CDK14: variants seen among roughly 807,000 people sequenced by gnomAD.
CDK14 encodes cyclin-dependent kinase 14.
In CDK14, 34 loss-of-function variants were observed where a neutral mutation model predicts 60.7. The observed-to-expected ratio is 0.56, with a 90% CI of 0.43 to 0.75. CDK14 has a LOEUF of 0.75. CDK14 is among the 30% of genes least tolerant of loss of function. CDK14 has a pLI of 0.00. For missense variants in CDK14, 482 were observed against 564.1 expected (o/e 0.85, Z 1.47); for synonymous variants, 197 against 203.7 (o/e 0.97, Z 0.28).
chr7:90,910,097 T>C (rs1207060555), intron 7 of CDK14, among the ~76,000 whole-genome samples: 1 of 152,244 alleles, frequency 6.6e-6, no homozygotes, highest in Non-Finnish European at 1.5e-5. Context: ...CACTTAACAC[T>C]GTCAAGTATG....
chr7:90,864,555 A>T (rs1319636864), intron 6 of CDK14, among the ~76,000 whole-genome samples: 2 of 152,158 alleles, frequency 1.3e-5, no homozygotes, highest in African/African-American at 4.8e-5. Flanking sequence ...TCTGTCCCTC[A>T]AATTAGATAA....
chr7:91,117,419 C>T (rs995080065), intron 13 of CDK14, among the ~76,000 whole-genome samples: 11 of 151,844 alleles, frequency 7.2e-5, no homozygotes, highest in African/African-American at 2.4e-4. Context: ...TTAAAGTCAG[C>T]TCTCACTGTT....
chr7:90,795,838 C>G (rs1788405576), intron 5 of CDK14, among the ~76,000 whole-genome samples: 1 of 152,118 alleles, frequency 6.6e-6, no homozygotes, highest in South Asian at 2.1e-4. Context: ...ACTGTTGGTG[C>G]TAGTCTTGGT....
At chr7:90,632,412 A>G in intron 2 of CDK14, 1 of 257,200 alleles carries the variant, frequency 3.9e-6, no homozygotes, top group South Asian at 5.2e-5. Flanking sequence ...GAGTAAAGTG[A>G]TTGGCAGTGG....
intron 2 of CDK14, among the ~76,000 whole-genome samples, chr7:90,631,335 G>A (rs17867001): frequency 0.048 from 7,261 of 152,222 alleles, 208 homozygotes; most frequent in Non-Finnish European, 0.056. Context: ...GAGACCCACC[G>A]TTCTGCTTCA....
chr7:90,681,433 A>G (rs1801315281), intron 2 of CDK14, among the ~76,000 whole-genome samples: 1 of 152,152 alleles, frequency 6.6e-6, no homozygotes, highest in South Asian at 2.1e-4. Context: ...ACTGACCTCC[A>G]TTTAACAGAC....
intron 12 of CDK14, among the ~76,000 whole-genome samples, chr7:91,099,392 A>G (rs1478808803): frequency 6.6e-6 from 1 of 152,162 alleles, no homozygotes; most frequent in Non-Finnish European, 1.5e-5. Context: ...CTTTTATCAT[A>G]AAAAATGAGA....
intron 5 of CDK14, among the ~76,000 whole-genome samples, chr7:90,810,081 A>G (rs992015221): frequency 1.4e-4 from 22 of 152,326 alleles, no homozygotes; most frequent in Non-Finnish European, 1.9e-4. Flanking sequence ...AACTATTCCA[A>G]TCAATAGAAA....
intron 2 of CDK14, among the ~76,000 whole-genome samples, chr7:90,625,370 T>TA (rs1799855832): frequency 6.6e-6 from 1 of 152,148 alleles, no homozygotes; most frequent in African/African-American, 2.4e-5. Context: ...TGGAATAAGT[T>TA]ACGGTAGTAC....
At chr7:91,102,989 C>A (rs1202085951) in intron 12 of CDK14, among the ~76,000 whole-genome samples, 1 of 152,192 alleles carries the variant, frequency 6.6e-6, no homozygotes, top group African/African-American at 2.4e-5. Context: ...TGCGATAGTT[C>A]ACACCTATAA....
At chr7:90,757,587 T>A (rs1349495077) in intron 4 of CDK14, among the ~76,000 whole-genome samples, 1 of 151,940 alleles carries the variant, frequency 6.6e-6, no homozygotes. Context: ...TCAAGAGATT[T>A]GTGTAATTCT....
intron 2 of CDK14, among the ~76,000 whole-genome samples, chr7:90,605,616 C>A (rs1165223709): frequency 1.3e-5 from 2 of 151,900 alleles, no homozygotes; most frequent in African/African-American, 4.8e-5. Context: ...AAGAAAGTTT[C>A]CCCTCTAATT....
intron 2 of CDK14, among the ~76,000 whole-genome samples, chr7:90,641,699 G>GATTTTGTTGAGATCATCAAAGTGT (rs1800339745): frequency 6.6e-6 from 1 of 152,154 alleles, no homozygotes; most frequent in Non-Finnish European, 1.5e-5. Context: ...CATCAAAGTG[G>GATTTTGTTGAGATCATCAAAGTGT]ATTTTGTTGA....
intron 6 of CDK14, among the ~76,000 whole-genome samples, chr7:90,897,398 T>C (rs1792371058): frequency 2.0e-5 from 3 of 152,122 alleles, no homozygotes; most frequent in Admixed American, 2.0e-4. Context: ...ATGTGATTAT[T>C]GATATGGTTG....
rs111580477 is a variant in CDK14 at position 90,863,670 on chromosome 7, A to ATGTGTGTGTGTGTGTGTGTGTGTGTG, written c.639+403_639+428dup. On this transcript the variant is annotated intron_variant, in intron 6 of 14. Coordinates refer to ENST00000380050, the MANE Select transcript of CDK14 (RefSeq NM_001287135.2). ...TTCTCAAAAGCATGCTTATTAAGATATGTGTGTGTGTGTGTGTGTGTGTGT... is the reference window on the plus strand; with the variant it reads ...TTCTCAAAAGCATGCTTATTAAGATATGTGTGTGTGTGTGTGTGTGTGTGTGTGTGTGTGTGTGTGTGTGTGTGTGT... 7.1e-4 allele frequency among the ~76,000 whole-genome samples: 104 copies of ATGTGTGTGTGTGTGTGTGTGTGTGTG among 145,934 alleles called. 1 individual carries two copies. Among genetic ancestry groups the ATGTGTGTGTGTGTGTGTGTGTGTGTG allele is most frequent in the Non-Finnish European group, 1.0e-3 (68 of 66,184 alleles).
intron 11 of CDK14, among the ~76,000 whole-genome samples, chr7:91,047,773 G>A (rs1797281683): frequency 6.6e-6 from 1 of 152,106 alleles, no homozygotes; most frequent in African/African-American, 2.4e-5. Flanking sequence ...GCACATAAGT[G>A]TTTCCTGAGT....
chr7:90,860,172 A>G (rs896852028), intron 5 of CDK14, among the ~76,000 whole-genome samples: 2 of 152,138 alleles, frequency 1.3e-5, no homozygotes, highest in Non-Finnish European at 2.9e-5. Context: ...ATATTGATTT[A>G]ATAAAGGTTT....
chr7:90,896,763 T>C (rs1792349671), intron 6 of CDK14, among the ~76,000 whole-genome samples: 1 of 152,180 alleles, frequency 6.6e-6, no homozygotes, highest in African/African-American at 2.4e-5. Context: ...TGTTCCAATA[T>C]CAAAAATGAA....
At chr7:90,956,736 G>A (rs138946829) in intron 9 of CDK14, among the ~76,000 whole-genome samples, 3,966 of 151,798 alleles carry the variant, frequency 0.026, 80 homozygotes, top group Non-Finnish European at 0.039. Flanking sequence ...CTAGCGTTAG[G>A]TATATCTCCC....
Sources: gnomAD v4.1 joint callset for allele counts (sites outside exome capture counted in the v4.1 genomes callset) on GRCh38, gnomAD v4.1.1 for gene constraint, MANE v1.5 for transcripts, NCBI Gene and HGNC (gene_info 2026-07-23, HGNC 2026-07-21) for gene names.